Variants in SYTL2 observed in about 807,000 individuals in gnomAD.
The protein encoded by SYTL2 is synaptotagmin-like protein 2.
A neutral mutation model predicts 198.7 loss-of-function variants in SYTL2; 165 were observed. That is an observed-to-expected ratio of 0.83 (90% confidence interval 0.73 to 0.94). The LOEUF is 0.94. SYTL2 is among the 40% of genes least tolerant of loss of function. The pLI, the probability that SYTL2 is intolerant of heterozygous loss-of-function variation, is 0.00. For missense variants in SYTL2, 2,835 were observed against 2,582.8 expected (o/e 1.10, Z -2.12); for synonymous variants, 966 against 917.7 (o/e 1.05, Z -0.95).
chr11:85,789,380 A>ATATATATATATATATATATATG (rs2092696804), intron 1 of SYTL2, among the ~76,000 whole-genome samples: 1 of 72,272 alleles, frequency 1.4e-5, no homozygotes, highest in African/African-American at 5.3e-5. Flanking sequence ...ATATATATGT[A>ATATATATATATATATATATATG]TATATATATA....
At chr11:85,721,690 T>G (rs916731194) in intron 8 of SYTL2, among the ~76,000 whole-genome samples, 2 of 152,128 alleles carry the variant, frequency 1.3e-5, no homozygotes, top group Non-Finnish European at 2.9e-5. Context: ...AATCAATGAG[T>G]GATTCGATTA....
At chr11:85,754,849 G>T (rs1427043861) in intron 2 of SYTL2, among the ~76,000 whole-genome samples, 1 of 152,108 alleles carries the variant, frequency 6.6e-6, no homozygotes, top group South Asian at 2.1e-4. Context: ...AACCCTTACT[G>T]TTCCTTTCTG....
the SYTL2 span, among the ~76,000 whole-genome samples, chr11:85,831,726 T>C: frequency 3.9e-5 from 6 of 152,136 alleles, no homozygotes; most frequent in African/African-American, 1.4e-4. Context: ...ATGTGTACAA[T>C]TGTTTGCATA....
intron 1 of SYTL2, among the ~76,000 whole-genome samples, chr11:85,790,729 A>G (rs755338804): frequency 6.6e-6 from 1 of 152,190 alleles, no homozygotes; most frequent in Non-Finnish European, 1.5e-5. Context: ...GATGTGCCCT[A>G]TGGTGCTGGC....
intron 10 of SYTL2, 127 bp from the exon 11 acceptor site, chr11:85,717,657 T>G (rs1198070881): frequency 1.2e-6 from 1 of 804,558 alleles, no homozygotes; most frequent in African/African-American, 1.7e-5. Flanking sequence ...GTTTTCATCT[T>G]GCTTTCATCC....
At chr11:85,755,602 C>G (rs1157695899) in intron 2 of SYTL2, among the ~76,000 whole-genome samples, 1 of 152,192 alleles carries the variant, frequency 6.6e-6, no homozygotes, top group Non-Finnish European at 1.5e-5. Context: ...AGAGGGTACA[C>G]ACTCACACCC....
intron 2 of SYTL2, 122 bp from the exon 3 acceptor site, chr11:85,748,545 A>G (rs1350588785): frequency 8.9e-7 from 1 of 1,119,600 alleles, no homozygotes; most frequent in African/African-American, 1.6e-5. Context: ...ATTTCAGATG[A>G]TCCCAGAAAC....
At chr11:85,827,713 T>C in the SYTL2 span, among the ~76,000 whole-genome samples, 6 of 152,306 alleles carry the variant, frequency 3.9e-5, no homozygotes, top group South Asian at 1.0e-3. Flanking sequence ...CCATGTCTCC[T>C]AGCTAGCTCC....
In SYTL2 at chr11:85,758,028, T is replaced by C. The variant is rs1355057528; in HGVS notation, c.-303A>G. 1.2e-5 allele frequency: 4 copies of C among 322,740 alleles called. No individual in the cohort carries two copies. In the Admixed American group the frequency reaches 1.6e-4, roughly 13 times the overall value. 20.0% of individuals were successfully genotyped at this position (322,740 alleles called of 1,614,324 possible). A position where few individuals can be genotyped will look rare whatever the true frequency, so the allele number is the denominator to read the frequency against. ...CTATGGTGGCTTCCAGCACACTCAC[T>C]CTCTGGTCCAGTCTTAGACACAGTT... On this transcript the variant is annotated 5_prime_UTR_variant, in exon 2 of 20. Coordinates refer to ENST00000359152, the MANE Select transcript of SYTL2 (RefSeq NM_206927.4).
the SYTL2 span, among the ~76,000 whole-genome samples, chr11:85,822,341 C>T: frequency 6.6e-6 from 1 of 152,232 alleles, no homozygotes; most frequent in Non-Finnish European, 1.5e-5. Context: ...TTGCCCCAAC[C>T]TTGGCCATGC....
rs925018671 is a variant in SYTL2, at chr11:85,694,331, C to T, written c.*864G>A. ...TTATTCTAAGGGTTTTTACAAAATA[C>T]GAAAATTTTACATACATAAGAAGAA... On this transcript the variant is annotated 3_prime_UTR_variant, in exon 20 of 20. Coordinates refer to ENST00000359152, the MANE Select transcript of SYTL2 (RefSeq NM_206927.4). 5 of 152,038 alleles carry T rather than the reference C, an allele frequency of 3.3e-5. No individual in the cohort carries two copies. Among genetic ancestry groups the T allele is most frequent in the Admixed American group, 2.0e-4 (3 of 15,274 alleles). 9.4% of individuals were successfully genotyped at this position (152,038 alleles called of 1,614,324 possible).
At chr11:85,753,503 G>A (rs79364312) in intron 2 of SYTL2, among the ~76,000 whole-genome samples, 3,166 of 152,228 alleles carry the variant, frequency 0.021, 63 homozygotes, top group Admixed American at 0.037. Context: ...CCTTGGGTAC[G>A]AGTCCATGTT....
intron 2 of SYTL2, among the ~76,000 whole-genome samples, chr11:85,752,943 AAAAAAAAAC>A (rs2091620202): frequency 7.0e-6 from 1 of 143,110 alleles, no homozygotes; most frequent in African/African-American, 2.7e-5. Context: ...AAAAAAAAAA[AAAAAAAAAC>A]ACAACTAGGT....
chr11:85,741,885 G>A (rs1458199971), intron 4 of SYTL2, among the ~76,000 whole-genome samples: 1 of 152,168 alleles, frequency 6.6e-6, no homozygotes, highest in African/African-American at 2.4e-5. Context: ...AGGCAATGAA[G>A]CACAAAGACT....
rs374049600 is a variant in SYTL2, at chr11:85,734,457, T to C, written c.872A>G (p.Asn291Ser). Residue 291 changes from asparagine (N) to serine (S), a missense_variant, in exon 7 of 20, where the codon AAT becomes AGT. Transcript: ENST00000359152. ...TTTGCTTTTGGGTTCAAAGTTGTGA[T>C]TATAACGAAGGGTTTCTGAGTCTGT... ...SSTDSETLRYNHNFEPKSKIV... is the reference protein window; with the variant it reads ...SSTDSETLRYSHNFEPKSKIV... The C allele has an allele frequency of 1.9e-6, 3 of 1,614,094 alleles. No homozygotes were observed. Among genetic ancestry groups the C allele is most frequent in the Admixed American group, 1.7e-5 (1 of 60,010 alleles).
chr11:85,842,740 G>A, the SYTL2 span, among the ~76,000 whole-genome samples: 1 of 152,210 alleles, frequency 6.6e-6, no homozygotes, highest in African/African-American at 2.4e-5. Flanking sequence ...TAAGAGATCT[G>A]TGGAAAGTCA....
chr11:85,697,593 T>C (rs1050098111), intron 18 of SYTL2, among the ~76,000 whole-genome samples: 1 of 152,176 alleles, frequency 6.6e-6, no homozygotes, highest in South Asian at 2.1e-4. Flanking sequence ...CGTTTGCAAA[T>C]AGGCCACAAA....
chr11:85,815,732 G>A (rs1442225195), upstream of SYTL2, among the ~76,000 whole-genome samples: 1 of 152,136 alleles, frequency 6.6e-6, no homozygotes, highest in Admixed American at 6.5e-5. Flanking sequence ...TAGGACCCAC[G>A]GATCTACTAC....
Position 85,734,308 on chromosome 11 carries a change from C to G in SYTL2, c.1021G>C (p.Glu341Gln), listed in dbSNP as rs778814479. The G allele has an allele frequency of 6.2e-6, 10 of 1,614,092 alleles. No homozygotes were observed. Among genetic ancestry groups the G allele is most frequent in the Non-Finnish European group, 6.8e-6 (8 of 1,180,022 alleles). The part of the protein sequence containing the change: ...KHVRFSAVKD[E>Q]LPQSPGLIHG... ...ATTAGCCCAGGACTCTGTGGAAGCT[C>G]ATCCTTCACTGCAGAGAATCTCACA... The change falls in exon 7 of 20, where the codon GAG becomes CAG. Residue 341 changes from glutamate to glutamine, a missense_variant. Coordinates refer to ENST00000359152, the MANE Select transcript of SYTL2 (RefSeq NM_206927.4).
Sources: allele counts gnomAD v4.1 joint callset (sites outside exome capture counted in the v4.1 genomes callset), GRCh38; gene constraint gnomAD v4.1.1; transcripts MANE v1.5; gene names NCBI Gene and HGNC (gene_info 2026-07-23, HGNC 2026-07-21).